Variants in ASB3 observed in about 807,000 individuals in gnomAD.
ASB3 encodes the protein ankyrin repeat and SOCS box protein 3.
Under a neutral mutation model 54.5 loss-of-function variants are expected in ASB3, and 41 were observed. That is an observed-to-expected ratio of 0.75 (90% CI 0.59 to 0.98). The LOEUF (loss-of-function observed/expected upper bound fraction) is 0.98. Ranked by LOEUF, ASB3 falls within the 50% of genes least tolerant of loss-of-function variation. ASB3 has a pLI of 0.00. For missense variants in ASB3, 733 were observed against 620.0 expected, an observed-to-expected ratio of 1.18 and a Z score of -1.94; for synonymous variants, 266 against 221.2, an observed-to-expected ratio of 1.20 and a Z score of -1.80.
chr2:53,755,995 C>A (rs1392767134), intron 2 of ASB3, among the ~76,000 whole-genome samples: 1 of 145,740 alleles, frequency 6.9e-6, no homozygotes, highest in Non-Finnish European at 1.5e-5. Context: ...CCCACCTCTA[C>A]AAAATATAGA....
chr2:53,678,631 G>A (rs1452206299), intron 9 of ASB3, among the ~76,000 whole-genome samples: 1 of 152,154 alleles, frequency 6.6e-6, no homozygotes, highest in Non-Finnish European at 1.5e-5. Flanking sequence ...GGGAAATCCT[G>A]ATGTAACCCC....
At chr2:53,685,019 A>G (rs114504265) in intron 9 of ASB3, among the ~76,000 whole-genome samples, 56 of 152,326 alleles carry the variant, frequency 3.7e-4, no homozygotes, top group African/African-American at 1.3e-3. Flanking sequence ...GAAAACAAGT[A>G]CTAATATGCA....
In ASB3 at chr2:53,700,321, T is replaced by C. The variant is rs766579026; in HGVS notation, c.1188A>G (p.Pro396=). 9 of 1,613,962 alleles carry C rather than the reference T, an allele frequency of 5.6e-6. No individual in the cohort carries two copies. In the South Asian group the frequency reaches 6.6e-5, roughly 12 times the overall value. ...KAQAKYKEWL[P]HLLVAGFDPL... is the part of the protein sequence containing the mutation. ...GGTCAAATCCAGCAACCAGAAGATG[T>C]GGCAACCACTCCTTATATTTTGCTT... Residue 396 remains proline, a synonymous_variant, in exon 8 of 10, where the codon CCA becomes CCG. Coordinates refer to ENST00000263634, the MANE Select transcript of ASB3 (RefSeq NM_016115.5).
intron 7 of ASB3, among the ~76,000 whole-genome samples, chr2:53,710,364 T>C (rs1670026479): frequency 6.6e-6 from 1 of 152,382 alleles, no homozygotes; most frequent in Non-Finnish European, 1.5e-5. Flanking sequence ...TAGTTTCTAC[T>C]ACTCAGCTGA....
chr2:53,767,309 C>G (rs757824369), intron 1 of ASB3: 1 of 152,202 alleles, frequency 6.6e-6, no homozygotes, highest in Non-Finnish European at 1.5e-5. Context: ...AAACTTTCTG[C>G]TTTTATTTGA....
chr2:53,712,329 G>A (rs902528246), intron 7 of ASB3, among the ~76,000 whole-genome samples: 4 of 152,050 alleles, frequency 2.6e-5, no homozygotes, highest in Admixed American at 6.6e-5. Context: ...CTAAAGGATC[G>A]TGTGTATGTT....
intron 1 of ASB3, among the ~76,000 whole-genome samples, chr2:53,772,102 A>G (rs1673961993): frequency 6.6e-6 from 1 of 152,050 alleles, no homozygotes; most frequent in African/African-American, 2.4e-5. Context: ...GTGAAAACTG[A>G]GGCCAATAAG....
At chr2:53,776,734 G>A (rs1477453237) in intron 1 of ASB3, among the ~76,000 whole-genome samples, 3 of 152,096 alleles carry the variant, frequency 2.0e-5, no homozygotes, top group African/African-American at 7.2e-5. Context: ...CAGAACTATT[G>A]CCTGAACCCA....
intron 1 of ASB3, among the ~76,000 whole-genome samples, chr2:53,783,280 A>G (rs1674757349): frequency 6.6e-6 from 1 of 152,220 alleles, no homozygotes; most frequent in African/African-American, 2.4e-5. Flanking sequence ...AAACCACTGA[A>G]AAAAGAAAGT....
Position 53,765,473 on chromosome 2 carries a change from G to C in ASB3, c.100C>G (p.Arg34Gly). The C allele has an allele frequency of 6.2e-7, 1 of 1,614,138 alleles. No individual in the cohort carries two copies. The highest frequency in any genetic ancestry group is 8.5e-7 in the Non-Finnish European group (1 of 1,180,028). The change falls in exon 2 of 10, where the codon CGA becomes GGA. Residue 34 changes from arginine to glycine, a missense_variant. Coordinates refer to ENST00000263634, the MANE Select transcript of ASB3 (RefSeq NM_016115.5). Reference sequence around the variant, plus strand: ...CTGTTATCAGCAACATCGACACTTCGGCCCTTTTTGAGCAGTTTCCTTAAG... The same window carrying C: ...CTGTTATCAGCAACATCGACACTTCCGCCCTTTTTGAGCAGTTTCCTTAAG... ...KVLRKLLKKG[R>G]SVDVADNRGW...
intron 3 of ASB3, among the ~76,000 whole-genome samples, chr2:53,738,152 C>T (rs1409755558): frequency 6.6e-6 from 1 of 152,164 alleles, no homozygotes; most frequent in East Asian, 1.9e-4. Context: ...CTGATAATCA[C>T]CTAATCAATG....
chr2:53,715,662 C>T (rs115675403), intron 6 of ASB3, among the ~76,000 whole-genome samples: 5 of 151,932 alleles, frequency 3.3e-5, no homozygotes, highest in South Asian at 4.1e-4. Context: ...TGTCTCTTAA[C>T]TTTAATAAAT....
At chr2:53,699,122 A>G (rs1484153983) in intron 8 of ASB3, among the ~76,000 whole-genome samples, 2 of 152,200 alleles carry the variant, frequency 1.3e-5, no homozygotes, top group Admixed American at 1.3e-4. Flanking sequence ...TTGCTGTGTC[A>G]TAACATGGCA....
chr2:53,717,235 C>A (rs1366907956), intron 5 of ASB3, among the ~76,000 whole-genome samples: 2 of 152,124 alleles, frequency 1.3e-5, no homozygotes, highest in Admixed American at 6.5e-5. Context: ...TGCAAACTAT[C>A]AAACATGGAT....
intron 5 of ASB3, among the ~76,000 whole-genome samples, chr2:53,717,562 T>C (rs1670468486): frequency 6.6e-6 from 1 of 152,016 alleles, no homozygotes; most frequent in African/African-American, 2.4e-5. Context: ...TGAAAATAAT[T>C]ACAAAAATTA....
chr2:53,762,738 C>T (rs1673214349), intron 2 of ASB3, among the ~76,000 whole-genome samples: 1 of 152,168 alleles, frequency 6.6e-6, no homozygotes, highest in African/African-American at 2.4e-5. Flanking sequence ...ACCTCCAATA[C>T]AGGAGAGAAG....
chr2:53,765,648 C>G (rs1024509251), intron 1 of ASB3, 63 bp from the exon 2 acceptor site: 2 of 1,590,606 alleles, frequency 1.3e-6, no homozygotes, highest in South Asian at 1.1e-5. Context: ...TCCTAGAGGT[C>G]AGCAAATCAC....
intron 7 of ASB3, among the ~76,000 whole-genome samples, chr2:53,706,319 T>C (rs1023461816): frequency 5.3e-5 from 8 of 152,232 alleles, no homozygotes; most frequent in African/African-American, 1.9e-4. Flanking sequence ...ACAAATATAT[T>C]TTTAATGCCT....
intron 9 of ASB3, among the ~76,000 whole-genome samples, 186 bp downstream of exon 9, chr2:53,693,683 GATTATAAAATCAAAT>G: frequency 6.6e-6 from 1 of 152,070 alleles, no homozygotes; most frequent in South Asian, 2.1e-4. Context: ...CTTAGGCTAA[GATTATAAAATCAAAT>G]ATGATTTTTA....
Sources: allele counts gnomAD v4.1 joint callset (sites outside exome capture counted in the v4.1 genomes callset), GRCh38; gene constraint gnomAD v4.1.1; transcripts MANE v1.5; gene names NCBI Gene and HGNC (gene_info 2026-07-23, HGNC 2026-07-21).